PTPRA: variants seen among roughly 807,000 people sequenced by gnomAD.
The protein encoded by PTPRA is protein tyrosine phosphatase receptor type A.
In PTPRA, 25 loss-of-function variants were observed where a neutral mutation model predicts 104.8. That is an observed-to-expected ratio of 0.24 (90% CI 0.17 to 0.33). The LOEUF (loss-of-function observed/expected upper bound fraction) is 0.33, where lower values mean the gene tolerates loss of function less well. Ranked by LOEUF, PTPRA falls within the 10% of genes least tolerant of loss-of-function variation. PTPRA has a pLI of 1.00. For synonymous variants in PTPRA, 323 were observed against 368.9 expected (o/e 0.88, Z 1.43); for missense variants, 765 against 1,015.3 (o/e 0.75, Z 3.35).
intron 1 of PTPRA, among the ~76,000 whole-genome samples, chr20:2,897,667 C>CT (rs2059063343): frequency 6.6e-6 from 1 of 152,072 alleles, no homozygotes; most frequent in Non-Finnish European, 1.5e-5. Flanking sequence ...GGATCACAGG[C>CT]TTGAGCCACC....
intron 18 of PTPRA, 126 bp downstream of exon 18, chr20:3,026,906 G>A: frequency 1.0e-6 from 1 of 971,940 alleles, no homozygotes; most frequent in Non-Finnish European, 1.6e-6. Flanking sequence ...GCCTCTTGTT[G>A]CACCCACTTA....
At chr20:2,910,608 TA>T (rs1568650233) in intron 1 of PTPRA, among the ~76,000 whole-genome samples, 1 of 101,550 alleles carries the variant, frequency 9.8e-6, no homozygotes, top group African/African-American at 4.1e-5. Context: ...TTGTTTTTTT[TA>T]ATTTTTTTTT....
chr20:2,880,357 G>A lies in PTPRA; in HGVS notation c.-129+6597G>A, dbSNP rs528047819. Reference sequence around the variant, plus strand: ...GGTCTATAGGTCAAACAGTTAATGTGTTAACTGTAGAACTTTGGGTGTCCT... The same window carrying A: ...GGTCTATAGGTCAAACAGTTAATGTATTAACTGTAGAACTTTGGGTGTCCT... On this transcript the variant is annotated intron_variant, in intron 1 of 23. Transcript: ENST00000399903. Among the ~76,000 whole-genome samples, 30 of 152,302 alleles carry A rather than the reference G, an allele frequency of 2.0e-4. 2 individuals carry two copies. Among genetic ancestry groups the A allele is most frequent in the South Asian group, 1.9e-3 (9 of 4,828 alleles).
chr20:2,876,852 G>A (rs565283809), intron 1 of PTPRA, among the ~76,000 whole-genome samples: 3 of 152,270 alleles, frequency 2.0e-5, no homozygotes, highest in East Asian at 1.9e-4. Flanking sequence ...GATCAACTAC[G>A]ATGCTTTTTC....
chr20:3,006,714 A>G (rs533636947), intron 10 of PTPRA, among the ~76,000 whole-genome samples: 97 of 152,022 alleles, frequency 6.4e-4, no homozygotes, highest in African/African-American at 2.2e-3. Flanking sequence ...TGCAGGCTCT[A>G]CCTCCTGGGT....
chr20:2,886,519 G>C (rs889261661), intron 1 of PTPRA, among the ~76,000 whole-genome samples: 2 of 152,046 alleles, frequency 1.3e-5, no homozygotes, highest in Non-Finnish European at 2.9e-5. Flanking sequence ...TAAGGGAAGA[G>C]TTTTAGTGGA....
intron 1 of PTPRA, among the ~76,000 whole-genome samples, chr20:2,893,520 T>C (rs1465774369): frequency 1.3e-5 from 2 of 152,214 alleles, no homozygotes; most frequent in African/African-American, 4.8e-5. Context: ...ATTATGTAGC[T>C]ATATGATACA....
rs376698106 is a variant in PTPRA at position 2,899,128 on chromosome 20, A to G, written c.-128-24079A>G. Among the ~76,000 whole-genome samples the G allele has an allele frequency of 7.9e-5, 12 of 152,350 alleles. No homozygotes were observed. In the South Asian group the frequency reaches 1.0e-3, roughly 13 times the overall value. On this transcript the variant is annotated intron_variant, in intron 1 of 23. Transcript: ENST00000399903. ...GGCTGGCAGATCACTTGAGATCAGG[A>G]GTTCGAGACCAGCTTGGCCAACATG...
At chr20:2,884,695 T>C (rs2090269902) in intron 1 of PTPRA, among the ~76,000 whole-genome samples, 1 of 152,202 alleles carries the variant, frequency 6.6e-6, no homozygotes, top group South Asian at 2.1e-4. Context: ...CTGTAAATAT[T>C]TTTTCCCATC....
At chr20:2,980,017 A>T (rs1427422098) in intron 6 of PTPRA, among the ~76,000 whole-genome samples, 1 of 151,910 alleles carries the variant, frequency 6.6e-6, no homozygotes, top group Non-Finnish European at 1.5e-5. Context: ...GGTTCAAACG[A>T]TTCTCCTGCC....
In PTPRA at chr20:3,035,734, C is replaced by T. The variant is rs753248013; in HGVS notation, c.2046+24C>T. On this transcript the variant is annotated intron_variant, in intron 21 of 23. Coordinates refer to ENST00000399903, the MANE Select transcript of PTPRA (RefSeq NM_001385305.1). The surrounding 1 kb of genome is among the most constrained non-coding windows in gnomAD (Gnocchi z 5.8). ...GGGTAAGATGGGTCGTGGGTGGACT[C>T]TGCCCACAGGAAAAGCAGGGTTACC... The T allele has an allele frequency of 1.2e-6, 2 of 1,614,180 alleles. No individual in the cohort carries two copies. The highest frequency in any genetic ancestry group is 1.7e-6 in the Non-Finnish European group (2 of 1,180,008).
At chr20:2,873,373 G>T (rs546187148), upstream of PTPRA, 6 of 152,428 alleles carry the variant, frequency 3.9e-5, no homozygotes, top group African/African-American at 1.4e-4. The surrounding 1 kb of genome is among the most constrained non-coding windows in gnomAD (Gnocchi z 4.4). Context: ...TGAGCGCCCA[G>T]CGGAGCGCAA....
intron 4 of PTPRA, 76 bp from the exon 5 acceptor site, chr20:2,964,785 C>T: frequency 7.7e-7 from 1 of 1,306,698 alleles, no homozygotes; most frequent in Non-Finnish European, 1.1e-6. Flanking sequence ...TTTATTAAGG[C>T]TTGCTGCTTT....
At chr20:2,866,194 C>T in the PTPRA span, 26 of 1,612,506 alleles carry the variant, frequency 1.6e-5, no homozygotes, top group East Asian at 3.1e-4. Flanking sequence ...TCCCTCCACC[C>T]GCTTCCTCTC....
At chr20:2,976,070 A>G (rs1568678246) in intron 6 of PTPRA, among the ~76,000 whole-genome samples, 1 of 152,184 alleles carries the variant, frequency 6.6e-6, no homozygotes, top group Non-Finnish European at 1.5e-5. Flanking sequence ...TTGAGTCAGA[A>G]AAGTGGGTAC....
intron 6 of PTPRA, among the ~76,000 whole-genome samples, chr20:2,981,309 A>G (rs1290528371): frequency 6.6e-6 from 1 of 152,160 alleles, no homozygotes; most frequent in African/African-American, 2.4e-5. Flanking sequence ...TTGCATTTGA[A>G]ATGCTAGGTC....
At position 3,035,884 on chromosome 20, in the gene PTPRA, C is replaced by T; in HGVS notation, c.2141C>T (p.Ala714Val). Residue 714 changes from alanine to valine, a missense_variant, in exon 22 of 24, where the codon GCC becomes GTC. This residue lies in a region of PTPRA where 72 missense variants were observed against 140.7 expected (regional missense o/e 0.51). Coordinates refer to ENST00000399903, the MANE Select transcript of PTPRA (RefSeq NM_001385305.1). This position sits in a 1 kb window ranked among gnomAD's most constrained non-coding sequence, Gnocchi z 5.8. ...GGAAAGGGCATGATCAGCATCATCG[C>T]CGCCGTGCAGAAGCAGCAGCAGCAG... ...SDGKGMISII[A>V]AVQKQQQQSG... 6.2e-7 allele frequency: 1 copy of T among 1,614,082 alleles called. No homozygotes were observed. The highest frequency in any genetic ancestry group is 8.5e-7 in the Non-Finnish European group (1 of 1,180,046).
rs115016892 is a variant in PTPRA, at chr20:3,017,722, C to T, written c.944-94C>T. On this transcript the variant is annotated intron_variant, in intron 12 of 23. Transcript: ENST00000399903. ...ATATTTAGCTGGGGACATTTGGGCACAAGCTTCCAAAAGTCAGGAATGGAT... is the reference window on the plus strand; with the variant it reads ...ATATTTAGCTGGGGACATTTGGGCATAAGCTTCCAAAAGTCAGGAATGGAT... 8.7e-3 allele frequency: 9,190 copies of T among 1,056,896 alleles called. 223 individuals carry two copies. Among genetic ancestry groups the T allele is most frequent in the African/African-American group, 0.056 (3,561 of 63,780 alleles). 65.5% of individuals were successfully genotyped at this position (1,056,896 alleles called of 1,614,324 possible). A position where few individuals can be genotyped will look rare whatever the true frequency, so the allele number is the denominator to read the frequency against.
intron 9 of PTPRA, among the ~76,000 whole-genome samples, chr20:2,988,990 C>A (rs932909262): frequency 6.6e-6 from 1 of 152,184 alleles, no homozygotes; most frequent in African/African-American, 2.4e-5. Context: ...TGGGATAGAT[C>A]AGTGTGGGAA....
Sources: allele counts gnomAD v4.1 joint callset (sites outside exome capture counted in the v4.1 genomes callset), GRCh38; gene constraint gnomAD v4.1.1; regional missense constraint gnomAD v4.1.1; non-coding constraint Gnocchi (gnomAD v3.1); transcripts MANE v1.5; gene names NCBI Gene and HGNC (gene_info 2026-07-23, HGNC 2026-07-21).